KPNA1: variants seen among roughly 807,000 people sequenced by gnomAD.
KPNA1 encodes importin subunit alpha-5.
In KPNA1, 10 loss-of-function variants were observed where a neutral mutation model predicts 70.5. That is an observed-to-expected ratio of 0.14 (90% confidence interval 0.09 to 0.24). KPNA1 has a LOEUF of 0.24. Ranked by LOEUF, KPNA1 falls within the 10% of genes least tolerant of loss-of-function variation. KPNA1 has a pLI of 1.00. For synonymous variants in KPNA1, 192 were observed against 221.9 expected, an observed-to-expected ratio of 0.87 and a Z score of 1.20; for missense variants, 397 against 637.9, an observed-to-expected ratio of 0.62 and a Z score of 4.07.
rs771945739 is a variant in KPNA1, at chr3:122,427,110, C to A, written c.1492G>T (p.Asp498Tyr). 1.9e-6 allele frequency: 3 copies of A among 1,614,096 alleles called. No individual in the cohort carries two copies. Among genetic ancestry groups the A allele is most frequent in the Non-Finnish European group, 2.5e-6 (3 of 1,179,986 alleles). ...GTCCCGAAGTAATGCTCAATAAGATCAAAGGCCTTTTGGTAGATCTCCTGG... is the reference window on the plus strand; with the variant it reads ...GTCCCGAAGTAATGCTCAATAAGATAAAAGGCCTTTTGGTAGATCTCCTGG... ...ENQEIYQKAFDLIEHYFGTED... is the reference protein window; with the variant it reads ...ENQEIYQKAFYLIEHYFGTED... Residue 498 changes from aspartate (D) to tyrosine (Y), a missense_variant, in exon 14 of 14, where the codon GAT becomes TAT. Asp to Tyr is a radical substitution (Grantham distance 160). Coordinates refer to ENST00000344337, the MANE Select transcript of KPNA1 (RefSeq NM_002264.4).
chr3:122,496,194 T>C (rs1047044865), intron 2 of KPNA1, among the ~76,000 whole-genome samples: 3 of 152,138 alleles, frequency 2.0e-5, no homozygotes, highest in South Asian at 4.1e-4. Flanking sequence ...GGTGAAAATA[T>C]TGAATAGTGT....
At chr3:122,482,102 A>G (rs6793824) in intron 2 of KPNA1, among the ~76,000 whole-genome samples, 77,521 of 152,188 alleles carry the variant, frequency 0.51, 20,235 homozygotes, top group East Asian at 0.65. Context: ...CTTCATCATC[A>G]TGTGAACATC....
intron 8 of KPNA1, 58 bp downstream of exon 8, chr3:122,451,476 T>C (rs994712010): frequency 1.4e-5 from 12 of 873,440 alleles, no homozygotes; most frequent in Non-Finnish European, 1.7e-5. Flanking sequence ...TTACCATTGG[T>C]TGCAATACTC....
intron 10 of KPNA1, among the ~76,000 whole-genome samples, chr3:122,440,253 A>C (rs958730367): frequency 6.6e-6 from 1 of 151,920 alleles, no homozygotes. Context: ...TAAGTACCTA[A>C]CTTAAGAGTT....
At chr3:122,474,905 A>G (rs573105194) in intron 2 of KPNA1, among the ~76,000 whole-genome samples, 26 of 152,212 alleles carry the variant, frequency 1.7e-4, no homozygotes, top group Non-Finnish European at 3.1e-4. Flanking sequence ...GCATCATACT[A>G]AACAGTGAAA....
chr3:122,503,750 C>T (rs1310430949), intron 1 of KPNA1, among the ~76,000 whole-genome samples: 1 of 151,978 alleles, frequency 6.6e-6, no homozygotes, highest in Non-Finnish European at 1.5e-5. Flanking sequence ...CTTTCTAATA[C>T]CAAATGATCC....
At chr3:122,486,045 G>C (rs1158027780) in intron 2 of KPNA1, among the ~76,000 whole-genome samples, 4 of 152,054 alleles carry the variant, frequency 2.6e-5, no homozygotes, top group Non-Finnish European at 5.9e-5. Context: ...AGGTAAAATA[G>C]TACAACCTAT....
intron 1 of KPNA1, among the ~76,000 whole-genome samples, chr3:122,496,845 A>C (rs577064388): frequency 3.2e-4 from 48 of 152,272 alleles, no homozygotes; most frequent in African/African-American, 1.1e-3. Context: ...CTGGGACCAC[A>C]GGTGCATGCC....
chr3:122,512,720 AAAAT>A (rs1476555775), intron 1 of KPNA1, among the ~76,000 whole-genome samples: 1 of 152,238 alleles, frequency 6.6e-6, no homozygotes, highest in South Asian at 2.1e-4. Context: ...AGCATCCAAA[AAAAT>A]AAATAAATAA....
chr3:122,513,828 G>A (rs2076983272), intron 1 of KPNA1, among the ~76,000 whole-genome samples: 1 of 152,200 alleles, frequency 6.6e-6, no homozygotes. Context: ...TACTTGGGAA[G>A]CTGAGGCAAG....
chr3:122,462,773 A>C (rs1023375687), intron 4 of KPNA1, among the ~76,000 whole-genome samples: 1 of 152,134 alleles, frequency 6.6e-6, no homozygotes, highest in Admixed American at 6.5e-5. Context: ...GGATATATTA[A>C]ATTTTTTTAA....
At chr3:122,427,271 CTG>C in intron 13 of KPNA1, 99 bp from the exon 14 acceptor site, 2 of 899,108 alleles carry the variant, frequency 2.2e-6, no homozygotes, top group Non-Finnish European at 3.4e-6. Flanking sequence ...TCATATATCT[CTG>C]TTCTTGATGT....
intron 2 of KPNA1, among the ~76,000 whole-genome samples, chr3:122,487,945 G>A (rs913095378): frequency 2.6e-5 from 4 of 152,130 alleles, no homozygotes; most frequent in Non-Finnish European, 5.9e-5. Context: ...TTAAGAGACA[G>A]CACCAAATAC....
chr3:122,466,585 G>GT (rs2076383018), intron 3 of KPNA1, among the ~76,000 whole-genome samples: 1 of 152,026 alleles, frequency 6.6e-6, no homozygotes, highest in Non-Finnish European at 1.5e-5. Context: ...ATCTCTTCAT[G>GT]TTAACTTCAA....
intron 12 of KPNA1, among the ~76,000 whole-genome samples, chr3:122,431,748 T>G (rs1398381259): frequency 1.3e-5 from 2 of 152,132 alleles, no homozygotes; most frequent in African/African-American, 4.8e-5. Context: ...CCTGAATACT[T>G]TCTCATGAAA....
chr3:122,511,033 C>T (rs1328132707), intron 1 of KPNA1, among the ~76,000 whole-genome samples: 1 of 152,162 alleles, frequency 6.6e-6, no homozygotes, highest in Non-Finnish European at 1.5e-5. Context: ...TGAATCCCAA[C>T]TCCACTACTT....
intron 2 of KPNA1, among the ~76,000 whole-genome samples, chr3:122,479,556 T>A (rs906596140): frequency 1.3e-5 from 2 of 151,982 alleles, no homozygotes; most frequent in African/African-American, 2.4e-5. Context: ...GGTCAGGAGT[T>A]CAAGACCAGC....
intron 7 of KPNA1, 58 bp from the exon 8 acceptor site, chr3:122,451,691 A>G: frequency 9.3e-7 from 1 of 1,072,638 alleles, no homozygotes; most frequent in Admixed American, 2.0e-5. Flanking sequence ...ATCTGATGAC[A>G]TAAATACTAA....
At chr3:122,428,283 C>T (rs1000608159) in intron 12 of KPNA1, among the ~76,000 whole-genome samples, 1 of 152,194 alleles carries the variant, frequency 6.6e-6, no homozygotes, top group Non-Finnish European at 1.5e-5. Context: ...TACTGTATCA[C>T]ATTCACAGTA....
Sources: allele counts gnomAD v4.1 joint callset (sites outside exome capture counted in the v4.1 genomes callset), GRCh38; gene constraint gnomAD v4.1.1; transcripts MANE v1.5; gene names NCBI Gene and HGNC (gene_info 2026-07-23, HGNC 2026-07-21).